SAMD12: variants seen among roughly 807,000 people sequenced by gnomAD.
SAMD12 encodes sterile alpha motif domain containing 12, also known as sterile alpha motif domain-containing protein 12.
In SAMD12, 9 loss-of-function variants were observed where a neutral mutation model predicts 15.0. The ratio of observed to expected loss-of-function variants is 0.60; its 90% CI spans 0.36 to 1.05. The LOEUF is 1.05. Ranked by LOEUF, SAMD12 falls within the 50% of genes least tolerant of loss-of-function variation. SAMD12 has a pLI of 0.01. For missense variants in SAMD12, 230 were observed against 234.2 expected (o/e 0.98, Z 0.12); for synonymous variants, 86 against 90.1 (o/e 0.96, Z 0.25).
intron 4 of SAMD12, among the ~76,000 whole-genome samples, chr8:118,283,695 G>C (rs1813774210): frequency 6.6e-6 from 1 of 152,198 alleles, no homozygotes; most frequent in South Asian, 2.1e-4. Context: ...AAAGAGGAAG[G>C]GCTTCTACTA....
At chr8:118,165,751 A>C in the SAMD12 span, among the ~76,000 whole-genome samples, 3 of 151,378 alleles carry the variant, frequency 2.0e-5, no homozygotes, top group Non-Finnish European at 4.4e-5. Flanking sequence ...ACTTATTATA[A>C]TCCTTTAGAC....
chr8:118,298,158 C>CATTTGTTATT (rs1814822962), intron 4 of SAMD12, among the ~76,000 whole-genome samples: 2 of 152,138 alleles, frequency 1.3e-5, no homozygotes. Flanking sequence ...GCAAATCGTT[C>CATTTGTTATT]ATTTGTTATT....
chr8:118,307,246 T>C (rs1815397823), intron 4 of SAMD12, among the ~76,000 whole-genome samples: 1 of 152,186 alleles, frequency 6.6e-6, no homozygotes, highest in Non-Finnish European at 1.5e-5. Context: ...GGGTGTCAAT[T>C]AGAAATGTGG....
At chr8:118,182,347 T>C in the SAMD12 span, among the ~76,000 whole-genome samples, 93 of 152,360 alleles carry the variant, frequency 6.1e-4, no homozygotes, top group African/African-American at 2.1e-3. Flanking sequence ...TTCTCCATTA[T>C]ACATTCATGT....
At chr8:118,514,093 A>G (rs1825162604) in intron 2 of SAMD12, among the ~76,000 whole-genome samples, 1 of 152,198 alleles carries the variant, frequency 6.6e-6, no homozygotes, top group Non-Finnish European at 1.5e-5. Context: ...CCTATTGCCA[A>G]ACTTCAAATT....
At chr8:118,180,362 G>A in the SAMD12 span, among the ~76,000 whole-genome samples, 1 of 152,132 alleles carries the variant, frequency 6.6e-6, no homozygotes, top group Non-Finnish European at 1.5e-5. Flanking sequence ...AGAAATTTAT[G>A]TGCCAAAAAT....
At chr8:118,441,259 C>A (rs1484772516) in intron 2 of SAMD12, among the ~76,000 whole-genome samples, 1 of 152,002 alleles carries the variant, frequency 6.6e-6, no homozygotes, top group African/African-American at 2.4e-5. Context: ...ATAATTATGG[C>A]AAAATAAATT....
intron 4 of SAMD12, among the ~76,000 whole-genome samples, chr8:118,345,593 C>G (rs1343946600): frequency 6.6e-6 from 1 of 152,192 alleles, no homozygotes; most frequent in Non-Finnish European, 1.5e-5. Flanking sequence ...AGGCATGATG[C>G]AGCATAAGCG....
chr8:118,461,587 A>T (rs1019176631), intron 2 of SAMD12, among the ~76,000 whole-genome samples: 5 of 152,132 alleles, frequency 3.3e-5, no homozygotes, highest in Admixed American at 1.3e-4. Flanking sequence ...TACATACGTA[A>T]AATAGTTTTC....
intron 1 of SAMD12, among the ~76,000 whole-genome samples, chr8:118,619,656 GCTATGAGC>G (rs1158473021): frequency 6.6e-6 from 1 of 152,124 alleles, no homozygotes; most frequent in African/African-American, 2.4e-5. Context: ...AAAGTACTGT[GCTATGAGC>G]TAGGAATATA....
At chr8:118,364,866 G>A (rs1329005677) in intron 4 of SAMD12, among the ~76,000 whole-genome samples, 1 of 151,994 alleles carries the variant, frequency 6.6e-6, no homozygotes, top group Non-Finnish European at 1.5e-5. Flanking sequence ...GGATGAGGAT[G>A]ACTTCCTCAT....
At chr8:118,153,566 G>A in the SAMD12 span, among the ~76,000 whole-genome samples, 1 of 152,170 alleles carries the variant, frequency 6.6e-6, no homozygotes, top group African/African-American at 2.4e-5. Flanking sequence ...AAGTGGCTTG[G>A]TATTAAGGTG....
At chr8:118,180,842 C>T in the SAMD12 span, among the ~76,000 whole-genome samples, 15 of 152,136 alleles carry the variant, frequency 9.9e-5, no homozygotes, top group African/African-American at 1.9e-4. Context: ...ATTATAGGCA[C>T]GAGCCACTGC....
At chr8:118,585,660 A>T (rs958324798) in intron 1 of SAMD12, among the ~76,000 whole-genome samples, 4 of 152,194 alleles carry the variant, frequency 2.6e-5, no homozygotes, top group Non-Finnish European at 5.9e-5. Context: ...GCTCAAAAGT[A>T]TGAGGTTACT....
intron 2 of SAMD12, among the ~76,000 whole-genome samples, chr8:118,562,281 G>A (rs1826724123): frequency 6.6e-6 from 1 of 152,224 alleles, no homozygotes; most frequent in South Asian, 2.1e-4. Flanking sequence ...GAGGACTCAG[G>A]AGAGAAGTTG....
intron 4 of SAMD12, among the ~76,000 whole-genome samples, chr8:118,264,404 A>G (rs540381219): frequency 6.6e-6 from 1 of 152,270 alleles, no homozygotes; most frequent in South Asian, 2.1e-4. Flanking sequence ...TTTTGATTTT[A>G]AAGCCAAAAA....
intron 2 of SAMD12, among the ~76,000 whole-genome samples, chr8:118,567,911 CTATTA>C (rs1826895257): frequency 6.6e-6 from 1 of 152,090 alleles, no homozygotes; most frequent in South Asian, 2.1e-4. Context: ...TAAATGTATC[CTATTA>C]TAAGAATTCA....
At chr8:118,542,862 A>G (rs1353633315) in intron 2 of SAMD12, among the ~76,000 whole-genome samples, 1 of 152,196 alleles carries the variant, frequency 6.6e-6, no homozygotes, top group East Asian at 1.9e-4. Flanking sequence ...CTTTCTATCT[A>G]CACTACCATC....
Position 118,546,375 on chromosome 8 carries a change from A to AT in SAMD12, c.192+34339dup, listed in dbSNP as rs527380249. On this transcript the variant is annotated intron_variant, in intron 2 of 3. Transcript: ENST00000314727. Reference sequence around the variant, plus strand: ...AACCAGAGATAACACTGAATCCAACATTTTTTCCTGGCAGCCCACCCGAGC... The same window carrying AT: ...AACCAGAGATAACACTGAATCCAACATTTTTTTCCTGGCAGCCCACCCGAGC... Among the ~76,000 whole-genome samples, 332 of 152,022 alleles carry AT rather than the reference A, an allele frequency of 2.2e-3. 2 individuals carry two copies. The highest frequency in any genetic ancestry group is 7.6e-3 in the African/African-American group (316 of 41,480).
Sources: gnomAD v4.1 joint callset for allele counts (sites outside exome capture counted in the v4.1 genomes callset) on GRCh38, gnomAD v4.1.1 for gene constraint, MANE v1.5 for transcripts, NCBI Gene and HGNC (gene_info 2026-07-23, HGNC 2026-07-21) for gene names.